The following COL13A1 variants were observed in gnomAD, a reference collection of about 807,000 sequenced individuals.
COL13A1 encodes collagen type XIII alpha 1 chain.
A neutral mutation model predicts 130.9 loss-of-function variants in COL13A1; 89 were observed. That is an observed-to-expected ratio of 0.68 (90% confidence interval 0.57 to 0.81). The LOEUF (loss-of-function observed/expected upper bound fraction) is 0.81, where lower values mean the gene tolerates loss of function less well. Among genes scored for constraint, COL13A1 ranks in the 30% least tolerant of loss-of-function variants. The pLI, the probability that COL13A1 is intolerant of heterozygous loss-of-function variation, is 0.00. For missense variants in COL13A1, 879 were observed against 934.6 expected (o/e 0.94, Z 0.78); for synonymous variants, 402 against 341.6 (o/e 1.18, Z -1.95).
Position 69,853,055 on chromosome 10 carries a change from C to A in COL13A1, c.365-14743C>A, listed in dbSNP as rs117193353. Among the ~76,000 whole-genome samples the A allele has an allele frequency of 2.8e-3, 419 of 152,288 alleles. 13 individuals are homozygous for A. In the East Asian group the frequency reaches 0.059, roughly 22 times the overall value. ...GGGGAGGGGGCTCTGTGCAGCCCAG[C>A]AGTGGGGAGATATCTTCCTAGCGAT... On this transcript the variant is annotated intron_variant, in intron 2 of 40. Coordinates refer to ENST00000645393, the MANE Select transcript of COL13A1 (RefSeq NM_001368882.1).
chr10:69,811,889 T>G (rs1332333077), intron 1 of COL13A1, among the ~76,000 whole-genome samples: 1 of 151,906 alleles, frequency 6.6e-6, no homozygotes, highest in East Asian at 1.9e-4. Context: ...CCTTCATATG[T>G]GAGCACAATG....
At chr10:69,894,392 CTG>C (rs2061449349) in intron 10 of COL13A1, among the ~76,000 whole-genome samples, 158 bp from the exon 11 acceptor site, 2 of 152,302 alleles carry the variant, frequency 1.3e-5, no homozygotes, top group South Asian at 4.2e-4. Context: ...AGCTGAGACT[CTG>C]TGAATAAGAC....
chr10:69,821,514 C>A (rs988044194), intron 1 of COL13A1, among the ~76,000 whole-genome samples: 8 of 152,244 alleles, frequency 5.3e-5, no homozygotes, highest in African/African-American at 1.9e-4. Flanking sequence ...ATGCATTAAT[C>A]TTTCTAACTT....
chr10:69,905,960 GC>G (rs561518671), intron 17 of COL13A1, 138 bp downstream of exon 17: 16 of 914,232 alleles, frequency 1.8e-5, no homozygotes, highest in African/African-American at 1.0e-4. Flanking sequence ...GTTCTCACTG[GC>G]CCCCCGAGGG....
intron 17 of COL13A1, among the ~76,000 whole-genome samples, chr10:69,910,271 C>A (rs2135356457): frequency 6.6e-6 from 1 of 152,118 alleles, no homozygotes; most frequent in East Asian, 1.9e-4. Flanking sequence ...TTTGGCCTCC[C>A]CTACCACCCT....
intron 10 of COL13A1, among the ~76,000 whole-genome samples, chr10:69,889,774 A>T (rs1362927854): frequency 6.6e-6 from 1 of 152,220 alleles, no homozygotes; most frequent in Non-Finnish European, 1.5e-5. Flanking sequence ...CTGCACTCAC[A>T]GGGGACACTT....
At chr10:69,894,455 A>C in intron 10 of COL13A1, 97 bp from the exon 11 acceptor site, 1 of 1,458,460 alleles carries the variant, frequency 6.9e-7, no homozygotes, top group African/African-American at 1.4e-5. Flanking sequence ...GGTAGAGCCC[A>C]GCCTTCGGGA....
intron 2 of COL13A1, among the ~76,000 whole-genome samples, chr10:69,849,081 C>T (rs1853963969): frequency 6.6e-6 from 1 of 152,222 alleles, no homozygotes; most frequent in Admixed American, 6.5e-5. Context: ...AACGATTTTA[C>T]CAAACCCAAA....
At chr10:69,877,818 C>G (rs1379105498) in intron 5 of COL13A1, among the ~76,000 whole-genome samples, 1 of 152,086 alleles carries the variant, frequency 6.6e-6, no homozygotes, top group Non-Finnish European at 1.5e-5. Flanking sequence ...CTGCACATTG[C>G]AGCAGCGCCT....
In COL13A1 at chr10:69,930,451, C is replaced by A. The variant is rs1263695835; in HGVS notation, c.1582C>A (p.Pro528Thr). Residue 528 changes from proline (P) to threonine (T), a missense_variant, in exon 30 of 41, where the codon CCA (proline) becomes ACA (threonine). Coordinates refer to ENST00000645393, the MANE Select transcript of COL13A1 (RefSeq NM_001368882.1). ...DMGPPGPQGP[P>T]GKDGPPGVKG... is the part of the protein sequence containing the mutation. Reference sequence around the variant, plus strand: ...GGGCCCTCCTGGTCCCCAAGGCCCCCCAGGAAAGGATGGACCTCCAGGAGT... The same window carrying A: ...GGGCCCTCCTGGTCCCCAAGGCCCCACAGGAAAGGATGGACCTCCAGGAGT... The A allele has an allele frequency of 1.2e-6, 2 of 1,613,638 alleles. No individual in the cohort carries two copies. The highest frequency in any genetic ancestry group is 2.7e-5 in the African/African-American group (2 of 74,910).
chr10:69,806,006 G>A (rs1300901612), intron 1 of COL13A1, among the ~76,000 whole-genome samples: 12 of 152,256 alleles, frequency 7.9e-5, no homozygotes, highest in Admixed American at 7.9e-4. Flanking sequence ...TGTGGCCTTA[G>A]GCAAGCCATG....
At chr10:69,911,362 A>C (rs962641578) in intron 17 of COL13A1, among the ~76,000 whole-genome samples, 1 of 152,244 alleles carries the variant, frequency 6.6e-6, no homozygotes, top group Admixed American at 6.5e-5. Context: ...GGCACTTTGC[A>C]TGCATCAACT....
intron 37 of COL13A1, among the ~76,000 whole-genome samples, chr10:69,946,346 G>A (rs1278277405): frequency 6.6e-6 from 1 of 152,208 alleles, no homozygotes; most frequent in African/African-American, 2.4e-5. Flanking sequence ...AGAAGGGGCA[G>A]AATCAAATCC....
intron 13 of COL13A1, among the ~76,000 whole-genome samples, chr10:69,898,432 C>T (rs1459439753): frequency 6.6e-6 from 1 of 152,214 alleles, no homozygotes; most frequent in East Asian, 1.9e-4. Context: ...GAGGCCGAGG[C>T]CGGGTGTGGA....
At chr10:69,817,337 G>T (rs1209977237) in intron 1 of COL13A1, among the ~76,000 whole-genome samples, 5 of 151,686 alleles carry the variant, frequency 3.3e-5, no homozygotes, top group Admixed American at 6.6e-5. Context: ...AGATGCAGAT[G>T]GACGGCACGT....
chr10:69,855,199 T>C (rs1856056420), intron 2 of COL13A1, among the ~76,000 whole-genome samples: 1 of 152,186 alleles, frequency 6.6e-6, no homozygotes, highest in African/African-American at 2.4e-5. Context: ...AGGGTAGCTG[T>C]TTTCCTGGCC....
At chr10:69,913,295 G>C (rs998327674) in intron 17 of COL13A1, among the ~76,000 whole-genome samples, 3 of 152,310 alleles carry the variant, frequency 2.0e-5, no homozygotes, top group Non-Finnish European at 4.4e-5. Context: ...GCGGCTGAGA[G>C]CCCCCAGGGG....
chr10:69,850,792 T>A lies in COL13A1; in HGVS notation c.365-17006T>A, dbSNP rs115951101. ...GATGATGAGCTGTGCCAACTCTCAG[T>A]GATGGCCTCAGCCCACCCAGGTAGT... On this transcript the variant is annotated intron_variant, in intron 2 of 40. Transcript: ENST00000645393. Among the ~76,000 whole-genome samples, 644 of 152,320 alleles carry A rather than the reference T, an allele frequency of 4.2e-3. 5 individuals are homozygous for A. The highest frequency in any genetic ancestry group is 0.015 in the African/African-American group (611 of 41,586).
intron 38 of COL13A1, among the ~76,000 whole-genome samples, chr10:69,951,884 A>G (rs914568489): frequency 6.6e-6 from 1 of 152,102 alleles, no homozygotes; most frequent in Non-Finnish European, 1.5e-5. Context: ...AGAGGAGGGG[A>G]GCTCCCAGGA....
Sources: gnomAD v4.1 joint callset for allele counts (sites outside exome capture counted in the v4.1 genomes callset) on GRCh38, gnomAD v4.1.1 for gene constraint, MANE v1.5 for transcripts, NCBI Gene and HGNC (gene_info 2026-07-23, HGNC 2026-07-21) for gene names.